Variants in HSPG2 observed in about 807,000 individuals in gnomAD.
HSPG2 encodes basement membrane-specific heparan sulfate proteoglycan core protein.
A neutral mutation model predicts 526.6 loss-of-function variants in HSPG2; 278 were observed. That is an observed-to-expected ratio of 0.53 (90% CI 0.48 to 0.58). The LOEUF is 0.58. Among genes scored for constraint, HSPG2 ranks in the 20% least tolerant of loss-of-function variants. HSPG2 has a pLI of 0.00. For missense variants in HSPG2, 5,354 were observed against 6,099.5 expected, an observed-to-expected ratio of 0.88 and a Z score of 4.07; for synonymous variants, 2,465 against 2,555.4, an observed-to-expected ratio of 0.96 and a Z score of 1.07.
chr1:21,865,928 C>A lies in HSPG2; in HGVS notation c.4222-119G>T. 1.4e-6 allele frequency: 1 copy of A among 737,686 alleles called. No homozygotes were observed. 45.7% of individuals were successfully genotyped at this position (737,686 alleles called of 1,614,324 possible). ...GCACCTGTGCCACACTCCCCCACCC[C>A]CCTCCCTGCCCAAACCAAGAGGCCA... On this transcript the variant is annotated intron_variant, in intron 33 of 96. Coordinates refer to ENST00000374695, the MANE Select transcript of HSPG2 (RefSeq NM_005529.7). The surrounding 1 kb of genome is among the most constrained non-coding windows in gnomAD (Gnocchi z 5.4).
intron 33 of HSPG2, chr1:21,870,760 G>T (rs140883520): frequency 2.3e-6 from 2 of 875,212 alleles, no homozygotes; most frequent in Non-Finnish European, 2.7e-6. Context: ...ATCTCCCCAC[G>T]CAGGGCTGGG....
At chr1:21,913,306 C>T (rs1182315541) in intron 1 of HSPG2, among the ~76,000 whole-genome samples, 1 of 152,184 alleles carries the variant, frequency 6.6e-6, no homozygotes, top group Non-Finnish European at 1.5e-5. Flanking sequence ...GTCCCTCCAG[C>T]CTGTCTTCAA....
chr1:21,828,972 G>A lies in HSPG2; in HGVS notation c.12100C>T (p.Pro4034Ser). The change falls in exon 88 of 97, where the codon CCT (proline) becomes TCT (serine). Residue 4034 changes from proline (P) to serine (S), a missense_variant. Coordinates refer to ENST00000374695, the MANE Select transcript of HSPG2 (RefSeq NM_005529.7). The surrounding 1 kb of genome is among the most constrained non-coding windows in gnomAD (Gnocchi z 6.0). ...TTGCCGGGCGAGGAGCGCAGCACAG[G>A]GCGTCCACCATTCACCCGCAGGCTG... ...DGSLRVNGGR[P>S]VLRSSPGKSQ... 1 of 1,576,676 alleles carries A rather than the reference G, an allele frequency of 6.3e-7. No homozygotes were observed. Among genetic ancestry groups the A allele is most frequent in the Non-Finnish European group, 8.6e-7 (1 of 1,161,578 alleles).
Position 21,839,716 on chromosome 1 carries a change from C to T in HSPG2, c.9709+106G>A, listed in dbSNP as rs933366873. 77 of 1,418,516 alleles carry T rather than the reference C, an allele frequency of 5.4e-5. No homozygotes were observed. The highest frequency in any genetic ancestry group is 7.3e-5 in the Non-Finnish European group (75 of 1,027,264). 87.9% of individuals were successfully genotyped at this position (1,418,516 alleles called of 1,614,324 possible). On this transcript the variant is annotated intron_variant, in intron 72 of 96. Transcript: ENST00000374695. This position sits in a 1 kb window ranked among gnomAD's most constrained non-coding sequence, Gnocchi z 4.5. ...ATGCTAGCAACACGGTCTCCCCGTACTCCCCACCCCTGGGCATGACATCAT... is the reference window on the plus strand; with the variant it reads ...ATGCTAGCAACACGGTCTCCCCGTATTCCCCACCCCTGGGCATGACATCAT...
In HSPG2 at chr1:21,861,784, G is replaced by T. The variant is rs775389963; in HGVS notation, c.4928C>A (p.Pro1643His). ...CTCACAGTACTGGCCAGTGTAGCCG[G>T]GTTCGCAGGCCGTGCAGCGGTACCC... ...AGGYRCTACE[P>H]GYTGQYCEQC... The change falls in exon 39 of 97, where the codon CCC (proline) becomes CAC (histidine). Residue 1643 changes from proline to histidine, a missense_variant. By Grantham distance (77) the Pro-to-His change is moderately conservative. Transcript: ENST00000374695. 7.8e-5 allele frequency: 126 copies of T among 1,613,810 alleles called. No homozygotes were observed. In the Admixed American group the frequency reaches 2.1e-3, roughly 27 times the overall value.
rs1041405533 is a variant in HSPG2, at chr1:21,838,812, C to A, written c.10150+13G>T. On this transcript the variant is annotated intron_variant, in intron 74 of 96. Transcript: ENST00000374695. ...AAGGTGATCCCCTTCCACGCAGAGC[C>A]GGGGCTGCTTACCTTGGACGAGCAG... The A allele has an allele frequency of 6.2e-7, 1 of 1,610,830 alleles. No individual in the cohort carries two copies. The highest frequency in any genetic ancestry group is 1.3e-5 in the African/African-American group (1 of 75,038).
Position 21,872,877 on chromosome 1 carries a change from TC to T in HSPG2, c.3889-118del. Reference sequence around the variant, plus strand: ...GCAGCCCCGGGCAGCCCCTGCCCTGTCCCCCATGCCCTGCCCCCCATGCCCA... The same window carrying T: ...GCAGCCCCGGGCAGCCCCTGCCCTGTCCCCATGCCCTGCCCCCCATGCCCA... On this transcript the variant is annotated intron_variant, in intron 31 of 96. Coordinates refer to ENST00000374695, the MANE Select transcript of HSPG2 (RefSeq NM_005529.7). This position sits in a 1 kb window ranked among gnomAD's most constrained non-coding sequence, Gnocchi z 5.5. The T allele has an allele frequency of 6.6e-7, 1 of 1,524,970 alleles. No individual in the cohort carries two copies. The highest frequency in any genetic ancestry group is 9.1e-7 in the Non-Finnish European group (1 of 1,102,912). 94.5% of individuals were successfully genotyped at this position (1,524,970 alleles called of 1,614,324 possible). A position where few individuals can be genotyped will look rare whatever the true frequency, so the allele number is the denominator to read the frequency against.
At chr1:21,855,940 C>T (rs1272782450) in intron 44 of HSPG2, 28 bp from the exon 45 acceptor site, 1 of 1,603,430 alleles carries the variant, frequency 6.2e-7, no homozygotes, top group Non-Finnish European at 8.5e-7. Context: ...GGAACATGCA[C>T]TCAGGGTGGG....
intron 67 of HSPG2, 109 bp downstream of exon 67, chr1:21,842,659 ATC>A: frequency 7.1e-7 from 1 of 1,413,364 alleles, no homozygotes; most frequent in Non-Finnish European, 9.9e-7. Context: ...AACGTATTTT[ATC>A]CCCTGGGGTC....
At chr1:21,918,494 C>T (rs1643943527) in intron 1 of HSPG2, among the ~76,000 whole-genome samples, 1 of 151,308 alleles carries the variant, frequency 6.6e-6, no homozygotes, top group Non-Finnish European at 1.5e-5. Context: ...AGGGGTGGGA[C>T]AATAATAGTA....
Position 21,828,563 on chromosome 1 carries a change from TG to T in HSPG2, c.12238-138del, listed in dbSNP as rs771345956. On this transcript the variant is annotated intron_variant, in intron 88 of 96. Transcript: ENST00000374695. This position sits in a 1 kb window ranked among gnomAD's most constrained non-coding sequence, Gnocchi z 6.0. ...TGAGTGGTAGCATGGATTCTCGGTG[TG>T]GGGAGGGAGGCGCAGGAGTTGAGTG... The T allele has an allele frequency of 4.5e-4, 438 of 971,546 alleles. 1 individual carries two copies. Among genetic ancestry groups the T allele is most frequent in the Non-Finnish European group, 6.0e-4 (391 of 647,648 alleles). 60.2% of individuals were successfully genotyped at this position (971,546 alleles called of 1,614,324 possible).
At chr1:21,831,910 G>A in intron 81 of HSPG2, 114 bp from the exon 82 acceptor site, 1 of 1,151,166 alleles carries the variant, frequency 8.7e-7, no homozygotes, top group African/African-American at 1.5e-5. Flanking sequence ...ACTTCCTGCA[G>A]TCCCAGCCCT....
Position 21,865,495 on chromosome 1 carries a change from C to T in HSPG2, c.4315-130G>A, listed in dbSNP as rs1413577686. On this transcript the variant is annotated intron_variant, in intron 34 of 96. Transcript: ENST00000374695. This position sits in a 1 kb window ranked among gnomAD's most constrained non-coding sequence, Gnocchi z 5.4. ...CTCTGCTCTCCCAAGCTCATGCGCCCAAAGGAGTCAGGCACATGCCCACTG... is the reference window on the plus strand; with the variant it reads ...CTCTGCTCTCCCAAGCTCATGCGCCTAAAGGAGTCAGGCACATGCCCACTG... The T allele has an allele frequency of 7.3e-6, 7 of 955,582 alleles. No homozygotes were observed. Among genetic ancestry groups the T allele is most frequent in the Non-Finnish European group, 1.0e-5 (6 of 601,260 alleles). 59.2% of individuals were successfully genotyped at this position (955,582 alleles called of 1,614,324 possible).
chr1:21,926,330 GGGA>G lies in HSPG2; in HGVS notation c.63+10822_63+10824del, dbSNP rs1234450598. On this transcript the variant is annotated intron_variant, in intron 1 of 96. Coordinates refer to ENST00000374695, the MANE Select transcript of HSPG2 (RefSeq NM_005529.7). Reference sequence around the variant, plus strand: ...GTGACCTATGTGACTGAGGCCACTGGGGAGGAGAACCTGCAGGTCCCAGGACAG... The same window carrying G: ...GTGACCTATGTGACTGAGGCCACTGGGGAGAACCTGCAGGTCCCAGGACAG... 3.3e-5 allele frequency among the ~76,000 whole-genome samples: 5 copies of G among 152,176 alleles called. No individual in the cohort carries two copies. In the South Asian group the frequency reaches 8.3e-4, roughly 25 times the overall value.
chr1:21,824,204 C>T lies in HSPG2; in HGVS notation c.12816G>A (p.Arg4272=), dbSNP rs1350149075. 8.7e-6 allele frequency: 14 copies of T among 1,613,818 alleles called. No individual in the cohort carries two copies. The highest frequency in any genetic ancestry group is 1.2e-5 in the Non-Finnish European group (14 of 1,180,008). Residue 4272 remains arginine, a splice_region_variant and synonymous_variant, in exon 95 of 97, where the codon AGG becomes AGA. Transcript: ENST00000374695. This position sits in a 1 kb window ranked among gnomAD's most constrained non-coding sequence, Gnocchi z 5.9. ...GGGCCTCCCCACTACCCAGCTGGTACCTGCAGTCATCCAGGCCCAAGAAGT... is the reference window on the plus strand; with the variant it reads ...GGGCCTCCCCACTACCCAGCTGGTATCTGCAGTCATCCAGGCCCAAGAAGT... ...LGLQDGHLVF[R]YQLGSGEARL... is the part of the protein sequence containing the mutation.
At position 21,822,477 on chromosome 1, in the gene HSPG2, G is replaced by A. The variant is rs142954357; in HGVS notation, c.*839C>T. 3.1e-5 allele frequency: 13 copies of A among 420,378 alleles called. No individual in the cohort carries two copies. In the East Asian group the frequency reaches 5.9e-4, roughly 19 times the overall value. The allele number at this position is 420,378 out of a possible 1,614,324, so 26.0% of individuals were successfully genotyped here. On this transcript the variant is annotated 3_prime_UTR_variant, in exon 97 of 97. Transcript: ENST00000374695. ...CACCTAAGGCACTAGCTCTTCCTGA[G>A]CACCAGCGGCATCCGTCCGTCCGTT...
At position 21,888,059 on chromosome 1, in the gene HSPG2, C is replaced by T; in HGVS notation, c.582G>A (p.Gln194=). The change falls in exon 7 of 97, where the codon CAG becomes CAA. Residue 194 remains glutamine, a synonymous_variant. Coordinates refer to ENST00000374695, the MANE Select transcript of HSPG2 (RefSeq NM_005529.7). The part of the protein sequence containing the change: ...FQFRRLGTVP[Q]FPRACTEAEF... ...CGGCCTCCGTGCAGGCTCTTGGGAA[C>T]TGGGGCACTGCAGGTGGAAAGGAAG... 1.2e-6 allele frequency: 2 copies of T among 1,614,042 alleles called. No individual in the cohort carries two copies. The highest frequency in any genetic ancestry group is 1.3e-5 in the African/African-American group (1 of 75,058).
chr1:21,841,870 G>T, intron 69 of HSPG2, 132 bp downstream of exon 69: 1 of 1,377,186 alleles, frequency 7.3e-7, no homozygotes, highest in Non-Finnish European at 1.0e-6. Context: ...ATACAGAGAC[G>T]GGAAGGGCCT....
At position 21,823,296 on chromosome 1, in the gene HSPG2, C is replaced by T. The variant is rs568643216; in HGVS notation, c.*20G>A. The T allele has an allele frequency of 3.6e-4, 534 of 1,500,414 alleles. 1 individual carries two copies. The highest frequency in any genetic ancestry group is 1.2e-3 in the Middle Eastern group (6 of 5,076). The allele number at this position is 1,500,414 out of a possible 1,614,324, so 92.9% of individuals were successfully genotyped here. A position where few individuals can be genotyped will look rare whatever the true frequency, so the allele number is the denominator to read the frequency against. On this transcript the variant is annotated 3_prime_UTR_variant, in exon 97 of 97. Coordinates refer to ENST00000374695, the MANE Select transcript of HSPG2 (RefSeq NM_005529.7). ...CGGGCTGGGGCGTGGCCCGGGAGTC[C>T]GTGTGGGGCAGGCAGGTGCCTACGA...
Sources: allele counts gnomAD v4.1 joint callset (sites outside exome capture counted in the v4.1 genomes callset), GRCh38; gene constraint gnomAD v4.1.1; non-coding constraint Gnocchi (gnomAD v3.1); transcripts MANE v1.5; gene names NCBI Gene and HGNC (gene_info 2026-07-23, HGNC 2026-07-21).